Variants in TAPBPL observed in about 807,000 individuals in gnomAD.
TAPBPL encodes the protein TAP binding protein like.
In TAPBPL, 32 loss-of-function variants were observed where a neutral mutation model predicts 44.8. That is an observed-to-expected ratio of 0.71 (90% CI 0.54 to 0.96). The LOEUF is 0.96. Ranked by LOEUF, TAPBPL falls within the 40% of genes least tolerant of loss-of-function variation. TAPBPL has a pLI of 0.00. For missense variants in TAPBPL, 520 were observed against 586.6 expected (o/e 0.89, Z 1.17); for synonymous variants, 230 against 240.7 (o/e 0.96, Z 0.41).
downstream of TAPBPL, chr12:6,462,982 C>G: frequency 1.3e-6 from 2 of 1,551,348 alleles, no homozygotes; most frequent in Non-Finnish European, 1.7e-6. Flanking sequence ...GTTCGTGGAC[C>G]GAGGGAAGAA....
chr12:6,471,179 G>T (rs1379920418), downstream of TAPBPL, among the ~76,000 whole-genome samples: 1 of 152,172 alleles, frequency 6.6e-6, no homozygotes, highest in South Asian at 2.1e-4. This position sits in a 1 kb window ranked among gnomAD's most constrained non-coding sequence, Gnocchi z 4.0. Flanking sequence ...CAGGAGCCTC[G>T]AGACACAGCC....
Position 6,453,534 on chromosome 12 carries a change from T to C in TAPBPL, c.383T>C (p.Phe128Ser), listed in dbSNP as rs772408715. 6.2e-6 allele frequency: 10 copies of C among 1,613,958 alleles called. No homozygotes were observed. In the African/African-American group the frequency reaches 8.0e-5, roughly 13 times the overall value. The change falls in exon 3 of 7, where the codon TTT becomes TCT. Residue 128 changes from phenylalanine (F) to serine (S), a missense_variant. By Grantham distance (155) the Phe-to-Ser change is radical (BLOSUM62 -2). Coordinates refer to ENST00000266556, the MANE Select transcript of TAPBPL (RefSeq NM_018009.5). This position sits in a 1 kb window ranked among gnomAD's most constrained non-coding sequence, Gnocchi z 4.8. ...GTGACCTGTGAGATCTCCCGCTACT[T>C]TCTCCAGATGACAGAGACCACTGTT... is the stretch of plus-strand genomic sequence containing the variant. ...KEVTCEISRY[F>S]LQMTETTVKT...
At chr12:6,465,289 CA>C (rs1949974970), downstream of TAPBPL, 1 of 389,716 alleles carries the variant, frequency 2.6e-6, no homozygotes, top group Non-Finnish European at 5.0e-6. Flanking sequence ...AGCTCATTCT[CA>C]AAAGTTGCAG....
At chr12:6,464,285 G>C (rs748168937), downstream of TAPBPL, 1 of 1,538,526 alleles carries the variant, frequency 6.5e-7, no homozygotes. Flanking sequence ...ATTGTGCCAC[G>C]AGCAGCATTT....
downstream of TAPBPL, chr12:6,463,663 G>T (rs185066094): frequency 1.6e-4 from 169 of 1,083,342 alleles, 1 homozygote; most frequent in East Asian, 7.4e-3. This position sits in a 1 kb window ranked among gnomAD's most constrained non-coding sequence, Gnocchi z 4.0. Flanking sequence ...AAATTATTTG[G>T]CTAGATAAAA....
In TAPBPL at chr12:6,452,293, A is replaced by T. The variant is rs1196323256; in HGVS notation, c.45A>T (p.Leu15=). Residue 15 remains leucine, a synonymous_variant, in exon 1 of 7, where the codon CTA becomes CTT. Transcript: ENST00000266556. ...EGWCLLLCLA[L]SGAAETKPHP... Reference sequence around the variant, plus strand: ...GGTGCCTGCTGCTCTGCCTGGCTCTATCTGGAGCAGCAGAAACCAGTGAGT... The same window carrying T: ...GGTGCCTGCTGCTCTGCCTGGCTCTTTCTGGAGCAGCAGAAACCAGTGAGT... 13 of 1,575,456 alleles carry T rather than the reference A, an allele frequency of 8.3e-6. No individual in the cohort carries two copies. The highest frequency in any genetic ancestry group is 2.7e-5 in the African/African-American group (2 of 74,696).
chr12:6,471,783 C>T, the TAPBPL span, among the ~76,000 whole-genome samples: 1 of 151,862 alleles, frequency 6.6e-6, no homozygotes, highest in African/African-American at 2.4e-5. This position sits in a 1 kb window ranked among gnomAD's most constrained non-coding sequence, Gnocchi z 4.0. Flanking sequence ...GCCGAGATCA[C>T]GCCACTGCAC....
At chr12:6,461,286 T>C in intron 6 of TAPBPL, 1 of 1,144,696 alleles carries the variant, frequency 8.7e-7, no homozygotes, top group Non-Finnish European at 1.1e-6. Context: ...TCTGCCTTCC[T>C]TCACTGTGCA....
chr12:6,459,860 T>C (rs1949802549), intron 5 of TAPBPL, among the ~76,000 whole-genome samples: 1 of 151,946 alleles, frequency 6.6e-6, no homozygotes. Context: ...AACCTCCATA[T>C]CCTGGGTTCA....
chr12:6,459,744 ATTTATTTATTTATTTATTTAT>A (rs1199780368), intron 5 of TAPBPL, among the ~76,000 whole-genome samples: 97 of 144,042 alleles, frequency 6.7e-4, no homozygotes, highest in African/African-American at 2.7e-3. Context: ...TTATTTATTT[ATTTATTTATTTATTTATTTAT>A]TTTATTTTAT....
downstream of TAPBPL, among the ~76,000 whole-genome samples, chr12:6,470,186 T>A (rs1280547517): frequency 2.0e-5 from 3 of 151,914 alleles, no homozygotes; most frequent in Non-Finnish European, 4.4e-5. Context: ...ACCTTTCGAG[T>A]CCCCTGCCCA....
downstream of TAPBPL, chr12:6,465,425 TATAA>T (rs1292482208): frequency 2.7e-3 from 345 of 126,044 alleles, 14 homozygotes; most frequent in African/African-American, 0.011. Flanking sequence ...TATATATATA[TATAA>T]ATGTATATAT....
chr12:6,462,448 C>T (rs373183162), downstream of TAPBPL: 2 of 493,680 alleles, frequency 4.1e-6, no homozygotes, highest in East Asian at 6.5e-5. Context: ...ATGTGGGAAG[C>T]TCAGCTTCAT....
At chr12:6,455,649 T>C (rs1245717759) in intron 3 of TAPBPL, among the ~76,000 whole-genome samples, 1 of 152,098 alleles carries the variant, frequency 6.6e-6, no homozygotes, top group Non-Finnish European at 1.5e-5. Flanking sequence ...AACTATAAAG[T>C]CCAGGGCATG....
chr12:6,458,521 C>A, intron 4 of TAPBPL, 124 bp from the exon 5 acceptor site: 1 of 1,190,688 alleles, frequency 8.4e-7, no homozygotes, highest in Non-Finnish European at 1.2e-6. Context: ...CGCCTTGGTA[C>A]ACCACCAAGG....
In TAPBPL at chr12:6,462,081, TC is replaced by T. The variant is rs1949883538; in HGVS notation, c.1341del (p.Cys448ValfsTer17). On this transcript the variant is annotated frameshift_variant, in exon 7 of 7. Coordinates refer to ENST00000266556, the MANE Select transcript of TAPBPL (RefSeq NM_018009.5). LOFTEE classifies it low-confidence loss of function (END_TRUNC). ...LLQAERWETT[S>X]CADTQSSHLH... Reference sequence around the variant, plus strand: ...TCAGGCTGAACGCTGGGAGACCACTTCCTGTGCTGACACACAGAGCTCCCAT... The same window carrying T: ...TCAGGCTGAACGCTGGGAGACCACTTCTGTGCTGACACACAGAGCTCCCAT... 47 of 1,613,672 alleles carry T rather than the reference TC, an allele frequency of 2.9e-5. No homozygotes were observed. Among genetic ancestry groups the T allele is most frequent in the Non-Finnish European group, 3.9e-5 (46 of 1,179,720 alleles).
chr12:6,463,274 G>A (rs1274270487), downstream of TAPBPL: 9 of 1,337,228 alleles, frequency 6.7e-6, no homozygotes, highest in Non-Finnish European at 8.6e-6. The surrounding 1 kb of genome is among the most constrained non-coding windows in gnomAD (Gnocchi z 4.0). Flanking sequence ...AGGGCCCCAT[G>A]ACAGCACAGC....
chr12:6,456,807 C>T (rs1032339291), intron 3 of TAPBPL, among the ~76,000 whole-genome samples: 1 of 151,950 alleles, frequency 6.6e-6, no homozygotes, highest in Non-Finnish European at 1.5e-5. Context: ...CACCTGCCAC[C>T]ATGCCCGGCT....
downstream of TAPBPL, among the ~76,000 whole-genome samples, chr12:6,469,467 C>T (rs1481729404): frequency 6.6e-6 from 1 of 152,170 alleles, no homozygotes; most frequent in African/African-American, 2.4e-5. Context: ...ATAGAACACT[C>T]ATATCTGGTT....
Sources: allele counts gnomAD v4.1 joint callset (sites outside exome capture counted in the v4.1 genomes callset), GRCh38; gene constraint gnomAD v4.1.1; non-coding constraint Gnocchi (gnomAD v3.1); transcripts MANE v1.5; gene names NCBI Gene and HGNC (gene_info 2026-07-23, HGNC 2026-07-21).